SCP2: variants seen among roughly 807,000 people sequenced by gnomAD.
SCP2 encodes the protein SCP-2/3-oxoacyl-CoA thiolase.
In SCP2, 48 loss-of-function variants were observed where a neutral mutation model predicts 71.4. The ratio of observed to expected loss-of-function variants is 0.67; its 90% CI spans 0.53 to 0.86. The LOEUF (loss-of-function observed/expected upper bound fraction) is 0.86, where lower values mean the gene tolerates loss of function less well. Ranked by LOEUF, SCP2 falls within the 40% of genes least tolerant of loss-of-function variation. The probability of loss-of-function intolerance (pLI) is 0.00; values close to 1 mark genes in which losing one functional copy is unlikely to be tolerated. For synonymous variants in SCP2, 220 were observed against 218.1 expected (o/e 1.01, Z -0.08); for missense variants, 560 against 655.6 (o/e 0.85, Z 1.59).
chr1:52,956,297 C>T (rs1376092656), intron 5 of SCP2, among the ~76,000 whole-genome samples: 4 of 151,744 alleles, frequency 2.6e-5, no homozygotes, highest in African/African-American at 7.2e-5. Flanking sequence ...AGTGAGACTC[C>T]GTTTCAAAAA....
rs569846338 is a variant in SCP2, at chr1:52,999,234, A to G, written c.1081+11098A>G. Among the ~76,000 whole-genome samples, 20 of 152,346 alleles carry G rather than the reference A, an allele frequency of 1.3e-4. No homozygotes were observed. The South Asian group carries it at 2.3e-3, about 17-fold the overall frequency. Reference sequence around the variant, plus strand: ...ATCTGGCACATGGCCATTAGCTGTAATGTGCCCCAAGACAGAATTCAGACT... The same window carrying G: ...ATCTGGCACATGGCCATTAGCTGTAGTGTGCCCCAAGACAGAATTCAGACT... On this transcript the variant is annotated intron_variant, in intron 11 of 15. Coordinates refer to ENST00000371514, the MANE Select transcript of SCP2 (RefSeq NM_002979.5).
intron 12 of SCP2, among the ~76,000 whole-genome samples, chr1:53,015,399 C>G (rs1661265640): frequency 6.6e-6 from 1 of 152,152 alleles, no homozygotes; most frequent in South Asian, 2.1e-4. Context: ...CTGATTGGAT[C>G]TTTGCAAATT....
rs779615134 is a variant in SCP2, at chr1:52,961,532, G to T, written c.426G>T (p.Lys142Asn). 1.2e-6 allele frequency: 2 copies of T among 1,613,874 alleles called. No homozygotes were observed. Among genetic ancestry groups the T allele is most frequent in the Non-Finnish European group, 1.7e-6 (2 of 1,179,846 alleles). The change falls in exon 6 of 16, where the codon AAG becomes AAT. Residue 142 changes from lysine to asparagine, a missense_variant. Physicochemically the swap from Lys to Asn is moderately conservative, Grantham distance 94. Around this residue, in one of 3 missense-constraint regions of SCP2, gnomAD observed 513 missense variants for 573.1 expected, o/e 0.90. Transcript: ENST00000371514. ...CAGATAGAACCATTCCCACTGATAA[G>T]CATGTTGACCTCCTGATCAATAAGT... ...KFSDRTIPTDKHVDLLINKYG... is the reference protein window; with the variant it reads ...KFSDRTIPTDNHVDLLINKYG...
intron 6 of SCP2, among the ~76,000 whole-genome samples, chr1:52,973,816 G>A (rs1266336919): frequency 6.6e-6 from 1 of 152,154 alleles, no homozygotes; most frequent in East Asian, 1.9e-4. Context: ...TGACTAGTCT[G>A]GTCTTGAACT....
chr1:53,049,632 C>T (rs1181168807), intron 15 of SCP2: 3 of 152,106 alleles, frequency 2.0e-5, no homozygotes, highest in East Asian at 1.9e-4. Flanking sequence ...ACTACTGGTC[C>T]GTATTTTTAA....
At chr1:52,993,874 C>G (rs781530438) in intron 11 of SCP2, 1 of 1,468,600 alleles carries the variant, frequency 6.8e-7, no homozygotes, top group Non-Finnish European at 9.0e-7. Flanking sequence ...GATAGTATTC[C>G]TAAGCTATGT....
At chr1:52,943,207 G>T (rs554474123) in intron 2 of SCP2, among the ~76,000 whole-genome samples, 1 of 151,132 alleles carries the variant, frequency 6.6e-6, no homozygotes, top group South Asian at 2.1e-4. Flanking sequence ...GAATGAAATG[G>T]TTCCCAACAT....
At position 52,971,272 on chromosome 1, in the gene SCP2, G is replaced by A. The variant is rs1005656137; in HGVS notation, c.524-3497G>A. On this transcript the variant is annotated intron_variant, in intron 6 of 15. Coordinates refer to ENST00000371514, the MANE Select transcript of SCP2 (RefSeq NM_002979.5). ...ATTACAGGCGTGAGCCACCGCTCCC[G>A]GCCGAGAGACACAGATTTACGTGGC... is the stretch of plus-strand genomic sequence containing the variant. Among the ~76,000 whole-genome samples the A allele has an allele frequency of 3.3e-5, 5 of 151,988 alleles. No individual in the cohort carries two copies. The South Asian group carries it at 6.2e-4, about 19-fold the overall frequency.
intron 11 of SCP2, among the ~76,000 whole-genome samples, chr1:52,992,217 CA>C (rs1659564457): frequency 6.6e-6 from 1 of 151,766 alleles, no homozygotes; most frequent in African/African-American, 2.4e-5. Context: ...TAAAAGTGAA[CA>C]GTGAGAATTA....
chr1:53,015,097 TTGA>T (rs1360234249), intron 12 of SCP2, 54 bp downstream of exon 12: 14 of 1,519,974 alleles, frequency 9.2e-6, no homozygotes, highest in African/African-American at 5.5e-5. Flanking sequence ...CTTTTCACAG[TTGA>T]TGATGTTTTA....
At chr1:53,033,796 C>T (rs1225173806) in intron 13 of SCP2, among the ~76,000 whole-genome samples, 1 of 152,150 alleles carries the variant, frequency 6.6e-6, no homozygotes, top group Non-Finnish European at 1.5e-5. Flanking sequence ...AGCAATTACA[C>T]TTCTAGATAT....
chr1:52,971,464 G>A (rs1215941265), intron 6 of SCP2, among the ~76,000 whole-genome samples: 1 of 152,196 alleles, frequency 6.6e-6, no homozygotes, highest in Non-Finnish European at 1.5e-5. Flanking sequence ...GGGAACAAGG[G>A]CCTTGACCCT....
intron 10 of SCP2, 44 bp from the exon 11 acceptor site, chr1:52,987,985 A>G (rs1405572361): frequency 4.1e-6 from 4 of 970,362 alleles, no homozygotes; most frequent in African/African-American, 1.6e-5. Context: ...CATTTGTTCT[A>G]TTGTTACTAT....
intron 12 of SCP2, among the ~76,000 whole-genome samples, chr1:53,025,550 T>G (rs1662067913): frequency 6.6e-6 from 1 of 152,302 alleles, no homozygotes; most frequent in East Asian, 1.9e-4. Flanking sequence ...GGCCTCTCCA[T>G]CACCCAGTTA....
rs556760216 is a variant in SCP2, at chr1:52,995,792, A to G, written c.1081+7656A>G. Reference sequence around the variant, plus strand: ...TGGCTTCAAGATGGCGGTCACCTTAATCGGCAGCAGCACGGCCATCCAGGA... The same window carrying G: ...TGGCTTCAAGATGGCGGTCACCTTAGTCGGCAGCAGCACGGCCATCCAGGA... On this transcript the variant is annotated intron_variant, in intron 11 of 15. Transcript: ENST00000371514. 3 of 838,666 alleles carry G rather than the reference A, an allele frequency of 3.6e-6. No individual in the cohort carries two copies. The East Asian group carries it at 7.3e-5, about 20-fold the overall frequency. The allele number at this position is 838,666 out of a possible 1,614,324, so 52.0% of individuals were successfully genotyped here. A position where few individuals can be genotyped will look rare whatever the true frequency, so the allele number is the denominator to read the frequency against.
chr1:53,007,845 T>C (rs1660728701), intron 11 of SCP2, among the ~76,000 whole-genome samples: 2 of 151,250 alleles, frequency 1.3e-5, no homozygotes, highest in South Asian at 4.2e-4. Flanking sequence ...CAGGAGCTGG[T>C]TTTTTGAAGC....
At position 53,050,917 on chromosome 1, in the gene SCP2, G is replaced by A; in HGVS notation, c.*213G>A. ...CTGCTTTGCGGAATTGCATACAACT[G>A]TGCATTACAAAGTTAATATGGTAAT... On this transcript the variant is annotated 3_prime_UTR_variant, in exon 16 of 16. Coordinates refer to ENST00000371514, the MANE Select transcript of SCP2 (RefSeq NM_002979.5). The A allele has an allele frequency of 2.2e-6, 1 of 455,708 alleles. No homozygotes were observed. 28.2% of individuals were successfully genotyped at this position (455,708 alleles called of 1,614,324 possible). A position where few individuals can be genotyped will look rare whatever the true frequency, so the allele number is the denominator to read the frequency against.
At chr1:53,024,900 G>A (rs1032132115) in intron 12 of SCP2, among the ~76,000 whole-genome samples, 3 of 151,834 alleles carry the variant, frequency 2.0e-5, no homozygotes, top group Non-Finnish European at 4.4e-5. Flanking sequence ...TAAGAGATTA[G>A]TGAAAATAAA....
intron 11 of SCP2, among the ~76,000 whole-genome samples, chr1:53,007,541 G>T (rs1660713937): frequency 6.6e-6 from 1 of 152,158 alleles, no homozygotes; most frequent in South Asian, 2.1e-4. Context: ...GGTACATAAT[G>T]AAATGAAGGA....
Sources: gnomAD v4.1 joint callset for allele counts (sites outside exome capture counted in the v4.1 genomes callset) on GRCh38, gnomAD v4.1.1 for gene constraint, gnomAD v4.1.1 regional missense constraint, MANE v1.5 for transcripts, NCBI Gene and HGNC (gene_info 2026-07-23, HGNC 2026-07-21) for gene names.